The following ANKFN1 variants were observed in gnomAD, a reference collection of about 807,000 sequenced individuals.
ANKFN1 encodes the protein ankyrin repeat and fibronectin type III domain containing 1, also known as ankyrin repeat and fibronectin type-III domain-containing protein 1.
A neutral mutation model predicts 108.7 loss-of-function variants in ANKFN1; 74 were observed. That is an observed-to-expected ratio of 0.68 (90% CI 0.56 to 0.83). The LOEUF (loss-of-function observed/expected upper bound fraction) is 0.83, where lower values mean the gene tolerates loss of function less well. Ranked by LOEUF, ANKFN1 falls within the 40% of genes least tolerant of loss-of-function variation. ANKFN1 has a pLI of 0.00. For synonymous variants in ANKFN1, 547 were observed against 516.2 expected, an observed-to-expected ratio of 1.06 and a Z score of -0.81; for missense variants, 1,505 against 1,382.3, an observed-to-expected ratio of 1.09 and a Z score of -1.41.
chr17:56,078,302 T>C lies in ANKFN1; in HGVS notation c.288+31977T>C, dbSNP rs187214176. On this transcript the variant is annotated intron_variant, in intron 4 of 12. Transcript: ENST00000635860. ...TCCCTTTCTTGAAGCCCTGGTCACC[T>C]TGGGTTCTATCTTCAATTCCTTAGG... Among the ~76,000 whole-genome samples, 218 of 152,312 alleles carry C rather than the reference T, an allele frequency of 1.4e-3. 2 individuals carry two copies. The highest frequency in any genetic ancestry group is 5.0e-3 in the African/African-American group (207 of 41,594).
intron 8 of ANKFN1, among the ~76,000 whole-genome samples, chr17:56,410,110 G>A (rs955437784): frequency 4.0e-5 from 6 of 151,866 alleles, no homozygotes; most frequent in African/African-American, 9.7e-5. Context: ...TTTTTGAGAC[G>A]GAGTCTCACT....
rs947028089 is a variant in ANKFN1 at position 56,218,671 on chromosome 17, G to A, written c.12+5992G>A. ...TCACTGCTCTGGGAGAGTGTCTCTG[G>A]ATCACCAGAGCCATCCTTCACCATG... On this transcript the variant is annotated intron_variant, in intron 2 of 20. Transcript: ENST00000682825. 2.0e-5 allele frequency among the ~76,000 whole-genome samples: 3 copies of A among 151,988 alleles called. No individual in the cohort carries two copies. In the East Asian group the frequency reaches 5.8e-4, roughly 29 times the overall value.
chr17:56,061,179 G>A (rs1347563012), intron 4 of ANKFN1, among the ~76,000 whole-genome samples: 2 of 151,366 alleles, frequency 1.3e-5, no homozygotes, highest in Non-Finnish European at 1.5e-5. Context: ...TATGTGTCCA[G>A]GAATTTTATG....
intron 8 of ANKFN1, among the ~76,000 whole-genome samples, chr17:56,425,171 C>CTATGAGAGCT (rs1392424396): frequency 6.6e-6 from 1 of 151,122 alleles, no homozygotes; most frequent in Non-Finnish European, 1.5e-5. Context: ...TTCAGCATTC[C>CTATGAGAGCT]TATGAGAGCT....
intron 2 of ANKFN1, among the ~76,000 whole-genome samples, chr17:56,214,855 G>T (rs1326486937): frequency 6.6e-6 from 1 of 152,098 alleles, no homozygotes; most frequent in Non-Finnish European, 1.5e-5. Flanking sequence ...AAAAAAATGG[G>T]CTAACATGCA....
At chr17:56,399,932 T>C (rs1241355898) in intron 8 of ANKFN1, among the ~76,000 whole-genome samples, 2 of 146,888 alleles carry the variant, frequency 1.4e-5, no homozygotes, top group Admixed American at 6.8e-5. Context: ...TATAGTGATA[T>C]ATATACAGTG....
chr17:56,206,767 T>C (rs1914573419), intron 1 of ANKFN1, among the ~76,000 whole-genome samples: 3 of 152,160 alleles, frequency 2.0e-5, no homozygotes, highest in Non-Finnish European at 2.9e-5. Flanking sequence ...GAGATGGGGA[T>C]GGGCCCATGC....
chr17:56,085,252 G>C (rs1178343732), intron 4 of ANKFN1, among the ~76,000 whole-genome samples: 1 of 148,494 alleles, frequency 6.7e-6, no homozygotes, highest in Non-Finnish European at 1.5e-5. Flanking sequence ...GACCTTATTT[G>C]AAAAAAGGCT....
intron 4 of ANKFN1, among the ~76,000 whole-genome samples, chr17:56,111,296 G>A (rs77973475): frequency 5.6e-4 from 85 of 152,222 alleles, no homozygotes; most frequent in African/African-American, 2.0e-3. Flanking sequence ...CTGGACCCTG[G>A]TCTGCAGAGA....
intron 4 of ANKFN1, among the ~76,000 whole-genome samples, chr17:56,065,673 G>T (rs1340773079): frequency 6.6e-6 from 1 of 152,166 alleles, no homozygotes; most frequent in Non-Finnish European, 1.5e-5. Context: ...ATGGGGGAAT[G>T]GTTGGTGGAG....
rs2143676423 is a variant in ANKFN1 at position 56,188,834 on chromosome 17, C to G, written c.-70-23764C>G. Among the ~76,000 whole-genome samples the G allele has an allele frequency of 2.6e-5, 4 of 151,778 alleles. 1 individual carries two copies. Among genetic ancestry groups the G allele is most frequent in the Admixed American group, 2.6e-4 (4 of 15,240 alleles). On this transcript the variant is annotated intron_variant, in intron 1 of 20. Coordinates refer to ENST00000682825, the MANE Select transcript of ANKFN1 (RefSeq NM_001370326.1). ...CAACTCTTGATGAGCTCCTAGATGGCTTCAGGATGGGGGCTAGTCACCAGA... is the reference window on the plus strand; with the variant it reads ...CAACTCTTGATGAGCTCCTAGATGGGTTCAGGATGGGGGCTAGTCACCAGA...
At chr17:56,324,227 G>C (rs2045452880) in intron 3 of ANKFN1, among the ~76,000 whole-genome samples, 1 of 152,162 alleles carries the variant, frequency 6.6e-6, no homozygotes, top group Non-Finnish European at 1.5e-5. Context: ...TTTTTCTAGG[G>C]TATGTCAGGG....
chr17:56,363,892 A>C (rs748664390), intron 6 of ANKFN1, among the ~76,000 whole-genome samples: 1 of 152,184 alleles, frequency 6.6e-6, no homozygotes, highest in African/African-American at 2.4e-5. Flanking sequence ...GATTGAACTC[A>C]TAGAAGCAGA....
At position 56,457,919 on chromosome 17, in the gene ANKFN1, A is replaced by G; in HGVS notation, c.1497A>G (p.Ser499=). 1 of 1,614,084 alleles carries G rather than the reference A, an allele frequency of 6.2e-7. No homozygotes were observed. The highest frequency in any genetic ancestry group is 2.2e-5 in the East Asian group (1 of 44,880). The change falls in exon 14 of 21, where the codon TCA becomes TCG. Residue 499 remains serine, a synonymous_variant. Transcript: ENST00000682825. ...RWLRQSIPIS[S]SSSTVLQTRQ... ...TGAGGCAAAGCATACCAATATCCTC[A>G]TCCTCATCCACAGTGCTGCAAACTC...
intron 4 of ANKFN1, among the ~76,000 whole-genome samples, chr17:56,130,219 C>T (rs184433831): frequency 6.6e-5 from 10 of 152,286 alleles, no homozygotes; most frequent in African/African-American, 2.4e-4. Flanking sequence ...GTGTCTTGCT[C>T]AGGAGGCAGT....
Position 56,510,865 on chromosome 17 carries a change from C to G in ANKFN1, c.3037C>G (p.Arg1013Gly). 2 of 1,536,100 alleles carry G rather than the reference C, an allele frequency of 1.3e-6. No homozygotes were observed. Among genetic ancestry groups the G allele is most frequent in the South Asian group, 1.2e-5 (1 of 84,064 alleles). Residue 1013 changes from arginine to glycine, a missense_variant, in exon 21 of 21, where the codon CGC becomes GGC. By Grantham distance (125) the Arg-to-Gly change is moderately radical. Transcript: ENST00000682825. ...GCACCCCCACTATGGCGGCTTCAGC[C>G]GCCATCATCGCTGGTTGCGCATCCA... ...GKHPHYGGFS[R>G]HHRWLRIHSE...
chr17:56,121,099 C>T (rs538843580), intron 4 of ANKFN1, among the ~76,000 whole-genome samples: 15 of 152,204 alleles, frequency 9.9e-5, no homozygotes, highest in African/African-American at 3.1e-4. Context: ...ATCCCTGTGA[C>T]TCCATATATT....
chr17:56,120,873 G>A (rs1400152875), intron 4 of ANKFN1, among the ~76,000 whole-genome samples: 2 of 151,928 alleles, frequency 1.3e-5, no homozygotes, highest in East Asian at 3.9e-4. Context: ...CTCTAATATC[G>A]GTTTGATACC....
intron 3 of ANKFN1, among the ~76,000 whole-genome samples, chr17:56,290,651 G>A (rs1567889637): frequency 6.6e-6 from 1 of 152,060 alleles, no homozygotes; most frequent in Non-Finnish European, 1.5e-5. Flanking sequence ...AGTCTATTTG[G>A]TACTGTAAAT....
Sources: gnomAD v4.1 joint callset for allele counts (sites outside exome capture counted in the v4.1 genomes callset) on GRCh38, gnomAD v4.1.1 for gene constraint, MANE v1.5 for transcripts, NCBI Gene and HGNC (gene_info 2026-07-23, HGNC 2026-07-21) for gene names.